The following FAM167A variants were observed in gnomAD, a reference collection of about 807,000 sequenced individuals.
The protein encoded by FAM167A is family with sequence similarity 167 member A, also known as protein FAM167A.
A neutral mutation model predicts 14.9 loss-of-function variants in FAM167A; 23 were observed. The ratio of observed to expected loss-of-function variants is 1.55; its 90% CI spans 1.11 to 2.19. The LOEUF (loss-of-function observed/expected upper bound fraction) is 2.19, where lower values mean the gene tolerates loss of function less well. Ranked by LOEUF, FAM167A falls within the 30% of genes most tolerant of loss-of-function variation. The probability of loss-of-function intolerance (pLI) is 0.00; values close to 1 mark genes in which losing one functional copy is unlikely to be tolerated. For synonymous variants in FAM167A, 174 were observed against 117.7 expected, an observed-to-expected ratio of 1.48 and a Z score of -3.10; for missense variants, 401 against 281.5, an observed-to-expected ratio of 1.42 and a Z score of -3.04.
At chr8:11,446,207 C>G (rs1441963381) in intron 1 of FAM167A, among the ~76,000 whole-genome samples, 1 of 152,140 alleles carries the variant, frequency 6.6e-6, no homozygotes, top group Non-Finnish European at 1.5e-5. Flanking sequence ...CACGCAGACG[C>G]TTAAGAAAGG....
upstream of FAM167A, among the ~76,000 whole-genome samples, chr8:11,470,601 A>G (rs574867745): frequency 6.6e-6 from 1 of 152,266 alleles, no homozygotes; most frequent in South Asian, 2.1e-4. Context: ...CCCTCTCTAA[A>G]TCAGTCTCTC....
chr8:11,444,050 G>A lies in FAM167A; in HGVS notation c.362C>T (p.Ala121Val), dbSNP rs1440647545. The A allele has an allele frequency of 1.2e-6, 2 of 1,613,178 alleles. No individual in the cohort carries two copies. Among genetic ancestry groups the A allele is most frequent in the Non-Finnish European group, 8.5e-7 (1 of 1,179,890 alleles). ...EGFQSIDEAI[A>V]WLRKELTEMR... ...ACTCACCAGTTCCTTCCTGAGCCAG[G>A]CTATAGCTTCATCGATGCTCTGAAA... Residue 121 changes from alanine (A) to valine (V), a missense_variant, in exon 2 of 3, where the codon GCC (alanine) becomes GTC (valine). Coordinates refer to ENST00000284486, the MANE Select transcript of FAM167A (RefSeq NM_053279.3).
intron 2 of FAM167A, chr8:11,438,556 G>C: frequency 2.2e-6 from 1 of 452,968 alleles, no homozygotes; most frequent in Non-Finnish European, 4.4e-6. Context: ...CTTTCCCCTT[G>C]ATTATACATG....
At chr8:11,460,833 C>T (rs565247362) in intron 1 of FAM167A, among the ~76,000 whole-genome samples, 2 of 152,198 alleles carry the variant, frequency 1.3e-5, no homozygotes, top group South Asian at 2.1e-4. Context: ...CATCTATTGT[C>T]TAGGAAACAG....
At chr8:11,431,094 C>G (rs1360711991) in intron 2 of FAM167A, among the ~76,000 whole-genome samples, 1 of 152,226 alleles carries the variant, frequency 6.6e-6, no homozygotes, top group Non-Finnish European at 1.5e-5. Context: ...AAGCTAGAAC[C>G]TGGATTTGTA....
At chr8:11,425,847 A>G (rs1805103152) in intron 2 of FAM167A, among the ~76,000 whole-genome samples, 1 of 152,154 alleles carries the variant, frequency 6.6e-6, no homozygotes, top group Non-Finnish European at 1.5e-5. Flanking sequence ...CCTGAAGTAT[A>G]TTTCTTTGAC....
intron 1 of FAM167A, among the ~76,000 whole-genome samples, chr8:11,449,697 G>A (rs1227731364): frequency 1.3e-5 from 2 of 152,316 alleles, no homozygotes; most frequent in African/African-American, 2.4e-5. Flanking sequence ...GGGGGGGCGC[G>A]TCAGCCTTTC....
intron 2 of FAM167A, among the ~76,000 whole-genome samples, chr8:11,430,148 C>T (rs933697170): frequency 6.6e-6 from 1 of 152,204 alleles, no homozygotes; most frequent in South Asian, 2.1e-4. Context: ...CCGCTCCCAG[C>T]GTGGCCTGGT....
intron 2 of FAM167A, among the ~76,000 whole-genome samples, chr8:11,433,722 C>T (rs760073082): frequency 1.6e-4 from 24 of 152,174 alleles, no homozygotes; most frequent in Non-Finnish European, 2.6e-4. Flanking sequence ...TCTCCTATCC[C>T]AGCCTAATAG....
chr8:11,455,902 T>TGTGA (rs1467548161), intron 1 of FAM167A, among the ~76,000 whole-genome samples: 1 of 128,190 alleles, frequency 7.8e-6, no homozygotes, highest in African/African-American at 3.0e-5. Flanking sequence ...AGAGTGTGAG[T>TGTGA]GTGAGTGTGA....
intron 1 of FAM167A, among the ~76,000 whole-genome samples, chr8:11,473,934 G>A (rs56888159): frequency 0.014 from 2,073 of 151,856 alleles, 58 homozygotes; most frequent in African/African-American, 0.047. Context: ...GTGCAGTGGC[G>A]CAATACCAGC....
Position 11,457,155 on chromosome 8 carries a change from T to TCAGGGCTCCACAGGA in FAM167A, c.-398+9456_-398+9470dup, listed in dbSNP as rs1486041958. Reference sequence around the variant, plus strand: ...GGCTGGGTTAGGGGTGTGGGTGGGATCAGGGCTCCACAGGACAGCGCTCCT... The same window carrying TCAGGGCTCCACAGGA: ...GGCTGGGTTAGGGGTGTGGGTGGGATCAGGGCTCCACAGGACAGGGCTCCACAGGACAGCGCTCCT... On this transcript the variant is annotated intron_variant, in intron 1 of 2. Transcript: ENST00000284486. Among the ~76,000 whole-genome samples, 3 of 150,276 alleles carry TCAGGGCTCCACAGGA rather than the reference T, an allele frequency of 2.0e-5. No individual in the cohort carries two copies. In the East Asian group the frequency reaches 5.9e-4, roughly 30 times the overall value.
intron 2 of FAM167A, among the ~76,000 whole-genome samples, chr8:11,428,551 G>A (rs145950421): frequency 5.9e-5 from 9 of 152,248 alleles, no homozygotes; most frequent in African/African-American, 9.6e-5. Flanking sequence ...TGAGGAGGGG[G>A]CTGGGAATTG....
chr8:11,449,739 T>A (rs1321480611), intron 1 of FAM167A, among the ~76,000 whole-genome samples: 1 of 152,164 alleles, frequency 6.6e-6, no homozygotes, highest in South Asian at 2.1e-4. Flanking sequence ...CGAGGACCCA[T>A]GCCACACACA....
At chr8:11,473,413 C>A (rs146740391) in intron 1 of FAM167A, among the ~76,000 whole-genome samples, 3 of 152,246 alleles carry the variant, frequency 2.0e-5, no homozygotes, top group African/African-American at 7.2e-5. Flanking sequence ...TTCACCAGTG[C>A]TGGGGGGGAT....
At chr8:11,468,215 A>C (rs1807848309), upstream of FAM167A, among the ~76,000 whole-genome samples, 2 of 152,162 alleles carry the variant, frequency 1.3e-5, no homozygotes, top group South Asian at 4.1e-4. Context: ...AAAGGCCTTC[A>C]ACGCCCCCAG....
chr8:11,425,255 CACT>C (rs1263107205), intron 2 of FAM167A, among the ~76,000 whole-genome samples: 1 of 152,178 alleles, frequency 6.6e-6, no homozygotes, highest in Non-Finnish European at 1.5e-5. Flanking sequence ...AGTTAACCGT[CACT>C]ACAACCTGTG....
chr8:11,424,178 CAG>C lies in FAM167A; in HGVS notation c.*193_*194del. The C allele has an allele frequency of 1.6e-6, 1 of 644,562 alleles. No homozygotes were observed. Among genetic ancestry groups the C allele is most frequent in the South Asian group, 2.0e-5 (1 of 50,172 alleles). 39.9% of individuals were successfully genotyped at this position (644,562 alleles called of 1,614,324 possible). ...TTGGGTAGTAAGCAAGAGCCAGTCA[CAG>C]AGACACTGGCATCCACACCCAGGGC... On this transcript the variant is annotated 3_prime_UTR_variant, in exon 3 of 3. Transcript: ENST00000284486.
rs752846903 is a variant in FAM167A, at chr8:11,424,612, G to T, written c.406C>A (p.Gln136Lys). Reference sequence around the variant, plus strand: ...AGGCGCATGAGCTGTCTGGCCAGTTGCTGGTCCTGCAGCCGCATCTCCGTC... The same window carrying T: ...AGGCGCATGAGCTGTCTGGCCAGTTTCTGGTCCTGCAGCCGCATCTCCGTC... The part of the protein sequence containing the change: ...ELTEMRLQDQ[Q>K]LARQLMRLRG... Residue 136 changes from glutamine (Q) to lysine (K), a missense_variant, in exon 3 of 3, where the codon CAA becomes AAA. Coordinates refer to ENST00000284486, the MANE Select transcript of FAM167A (RefSeq NM_053279.3). 2 of 1,613,930 alleles carry T rather than the reference G, an allele frequency of 1.2e-6. No homozygotes were observed. Among genetic ancestry groups the T allele is most frequent in the Non-Finnish European group, 8.5e-7 (1 of 1,179,974 alleles).
Sources: allele counts gnomAD v4.1 joint callset (sites outside exome capture counted in the v4.1 genomes callset), GRCh38; gene constraint gnomAD v4.1.1; transcripts MANE v1.5; gene names NCBI Gene and HGNC (gene_info 2026-07-23, HGNC 2026-07-21).